MYO3B: variants seen among roughly 807,000 people sequenced by gnomAD.
The protein encoded by MYO3B is myosin IIIB.
Under a neutral mutation model 174.6 loss-of-function variants are expected in MYO3B, and 156 were observed. The observed-to-expected ratio is 0.89, with a 90% CI of 0.78 to 1.02. The LOEUF (loss-of-function observed/expected upper bound fraction) is 1.02, where lower values mean the gene tolerates loss of function less well. MYO3B is among the 50% of genes least tolerant of loss of function. The pLI, the probability that MYO3B is intolerant of heterozygous loss-of-function variation, is 0.00. For synonymous variants in MYO3B, 563 were observed against 569.1 expected (o/e 0.99, Z 0.15); for missense variants, 1,632 against 1,639.4 (o/e 1.00, Z 0.08).
chr2:170,297,433 T>A (rs1453813046), intron 7 of MYO3B, among the ~76,000 whole-genome samples: 1 of 152,118 alleles, frequency 6.6e-6, no homozygotes, highest in African/African-American at 2.4e-5. Flanking sequence ...AGCTGCAGAG[T>A]GCAAAATTCA....
chr2:170,403,379 C>CCT (rs1348473583), intron 19 of MYO3B, among the ~76,000 whole-genome samples: 1 of 152,174 alleles, frequency 6.6e-6, no homozygotes, highest in Non-Finnish European at 1.5e-5. Context: ...CTCCCTATCC[C>CCT]CTATCTGCTA....
intron 8 of MYO3B, among the ~76,000 whole-genome samples, chr2:170,345,786 A>G (rs990215746): frequency 7.3e-5 from 11 of 150,292 alleles, no homozygotes; most frequent in Non-Finnish European, 1.3e-4. Context: ...GATGGGCCCC[A>G]ATCTAGTATG....
intron 32 of MYO3B, among the ~76,000 whole-genome samples, chr2:170,612,100 C>T (rs1695159097): frequency 6.6e-6 from 1 of 152,166 alleles, no homozygotes; most frequent in South Asian, 2.1e-4. Context: ...CTGGACTCAG[C>T]CACCCCTTCC....
At chr2:170,214,704 T>G (rs1159183268) in intron 4 of MYO3B, 25 bp from the exon 5 acceptor site, 1 of 1,594,578 alleles carries the variant, frequency 6.3e-7, no homozygotes. Flanking sequence ...TTCCTGTTGT[T>G]TGGTGGTGGT....
chr2:170,298,655 G>A (rs897414124), intron 7 of MYO3B, among the ~76,000 whole-genome samples: 5 of 148,024 alleles, frequency 3.4e-5, no homozygotes, highest in Admixed American at 6.8e-5. Flanking sequence ...CTCCAGCCTC[G>A]GTGACAGAGC....
At chr2:170,487,879 C>T (rs1686166170) in intron 25 of MYO3B, among the ~76,000 whole-genome samples, 2 of 152,322 alleles carry the variant, frequency 1.3e-5, no homozygotes, top group Admixed American at 6.5e-5. Context: ...CACGCTAATA[C>T]AATTTTTATC....
At chr2:170,593,368 G>A (rs1034315761) in intron 32 of MYO3B, among the ~76,000 whole-genome samples, 1 of 152,194 alleles carries the variant, frequency 6.6e-6, no homozygotes, top group Non-Finnish European at 1.5e-5. Context: ...TTTCCAAAGT[G>A]CTGGGGTTGC....
At chr2:170,384,126 G>A (rs1465563766) in intron 12 of MYO3B, among the ~76,000 whole-genome samples, 2 of 152,160 alleles carry the variant, frequency 1.3e-5, no homozygotes, top group Non-Finnish European at 1.5e-5. Flanking sequence ...TGATTACATG[G>A]CAGTGATTGT....
chr2:170,309,578 T>C (rs1185308912), intron 7 of MYO3B, among the ~76,000 whole-genome samples: 1 of 152,226 alleles, frequency 6.6e-6, no homozygotes, highest in Non-Finnish European at 1.5e-5. Context: ...GATTATTTGA[T>C]GAAGTCTGTC....
rs549419851 is a variant in MYO3B, at chr2:170,620,486, GGTCTGAGAT to G, written c.3734-31141_3734-31133del. Among the ~76,000 whole-genome samples, 17 of 152,252 alleles carry G rather than the reference GGTCTGAGAT, an allele frequency of 1.1e-4. No homozygotes were observed. The South Asian group carries it at 3.5e-3, about 32-fold the overall frequency. ...TGTACTTTTGTCAAGAACTGCAAAG[GGTCTGAGAT>G]TTTACCCTGCTTGTAGGCTAACAAG... is the stretch of plus-strand genomic sequence containing the variant. On this transcript the variant is annotated intron_variant, in intron 32 of 34. Coordinates refer to ENST00000408978, the MANE Select transcript of MYO3B (RefSeq NM_138995.5).
chr2:170,647,825 CA>C (rs1698495059), intron 32 of MYO3B: 1 of 152,132 alleles, frequency 6.6e-6, no homozygotes, highest in Non-Finnish European at 1.5e-5. Flanking sequence ...GTATATAAAG[CA>C]TTACCAGTTG....
intron 25 of MYO3B, among the ~76,000 whole-genome samples, chr2:170,476,173 G>T (rs528419375): frequency 1.3e-5 from 2 of 152,208 alleles, no homozygotes; most frequent in African/African-American, 2.4e-5. Flanking sequence ...ATGGACACGT[G>T]CAGGAGCTGG....
In MYO3B at chr2:170,220,288, A is replaced by G. The variant is rs1019794105; in HGVS notation, c.603+2893A>G. On this transcript the variant is annotated intron_variant, in intron 6 of 34. Coordinates refer to ENST00000408978, the MANE Select transcript of MYO3B (RefSeq NM_138995.5). ...CAAAACAAAACAAAACAAAACAATC[A>G]AAAAAGAGGTGTTTCTGACTTTCCA... Among the ~76,000 whole-genome samples the G allele has an allele frequency of 4.0e-4, 61 of 150,830 alleles. 1 individual carries two copies. Among genetic ancestry groups the G allele is most frequent in the Non-Finnish European group, 8.7e-4 (59 of 67,728 alleles).
intron 5 of MYO3B, among the ~76,000 whole-genome samples, chr2:170,216,123 C>CACA (rs1559306707): frequency 2.1e-3 from 32 of 15,108 alleles, no homozygotes; most frequent in Admixed American, 9.1e-3. Context: ...AGAGAATGTC[C>CACA]GCAGTCATCC....
chr2:170,578,609 G>A lies in MYO3B; in HGVS notation c.3733+34621G>A, dbSNP rs181157354. ...AATTTACATTTTACATAATCTGTGC[G>A]TTGTTAAAAATGTATTCAACGTCCT... On this transcript the variant is annotated intron_variant, in intron 32 of 34. Coordinates refer to ENST00000408978, the MANE Select transcript of MYO3B (RefSeq NM_138995.5). Among the ~76,000 whole-genome samples the A allele has an allele frequency of 8.7e-3, 1,323 of 152,218 alleles. 20 individuals carry two copies. The highest frequency in any genetic ancestry group is 0.01 in the Non-Finnish European group (684 of 68,018).
rs555426082 is a variant in MYO3B at position 170,286,608 on chromosome 2, C to T, written c.750-48777C>T. The stretch of plus-strand genomic sequence containing the variant: ...GAACAGTATGTCAAGTTCCGTCTTA[C>T]TGGGAGTTATCTGGAATTGCATAGA... On this transcript the variant is annotated intron_variant, in intron 7 of 34. Transcript: ENST00000408978. Among the ~76,000 whole-genome samples the T allele has an allele frequency of 2.6e-5, 4 of 152,132 alleles. No individual in the cohort carries two copies. The East Asian group carries it at 7.7e-4, about 29-fold the overall frequency.
At chr2:170,483,526 A>G (rs974926994) in intron 25 of MYO3B, among the ~76,000 whole-genome samples, 3 of 141,412 alleles carry the variant, frequency 2.1e-5, no homozygotes, top group African/African-American at 3.1e-5. Flanking sequence ...AGCTGGGACT[A>G]CAGGCGCCCG....
chr2:170,277,829 A>T (rs529794924), intron 7 of MYO3B, among the ~76,000 whole-genome samples: 2 of 152,348 alleles, frequency 1.3e-5, no homozygotes, highest in East Asian at 1.9e-4. Context: ...TGTAAAATAC[A>T]TACATATGCA....
At chr2:170,561,342 G>C (rs1044475384) in intron 32 of MYO3B, among the ~76,000 whole-genome samples, 11 of 152,152 alleles carry the variant, frequency 7.2e-5, no homozygotes, top group African/African-American at 2.7e-4. Context: ...CTGCATAAAG[G>C]TTTTACTTAC....
Sources: allele counts gnomAD v4.1 joint callset (sites outside exome capture counted in the v4.1 genomes callset), GRCh38; gene constraint gnomAD v4.1.1; transcripts MANE v1.5; gene names NCBI Gene and HGNC (gene_info 2026-07-23, HGNC 2026-07-21).